The following NIF3L1 variants were observed in gnomAD, a reference collection of about 807,000 sequenced individuals.
NIF3L1 encodes the protein NGG1 interacting factor 3 like 1, also known as NIF3-like protein 1.
NIF3L1 carries 26 observed loss-of-function variants against 35.0 expected under a neutral mutation model. That is an observed-to-expected ratio of 0.74 (90% CI 0.54 to 1.03). The LOEUF is 1.03. NIF3L1 is among the 50% of genes least tolerant of loss of function. The probability of loss-of-function intolerance (pLI) is 0.00; values close to 1 mark genes in which losing one functional copy is unlikely to be tolerated. For missense variants in NIF3L1, 449 were observed against 466.3 expected, an observed-to-expected ratio of 0.96 and a Z score of 0.34; for synonymous variants, 157 against 178.9, an observed-to-expected ratio of 0.88 and a Z score of 0.98.
rs760282968 is a variant in NIF3L1, at chr2:200,893,311, C to T, written c.502C>T (p.Arg168Ter). Residue 168 changes from arginine to a stop codon, truncating the protein, a stop_gained, in exon 3 of 7, where the codon CGA (arginine) becomes TGA (stop). Transcript: ENST00000409020. LOFTEE classifies it high-confidence loss of function. Reference protein sequence around the residue: ...APNYPTEGNHRVEFNVNYTQD... With the variant: ...APNYPTEGNH The stretch of plus-strand genomic sequence containing the variant: ...CAACTACCCTACAGAGGGAAACCAC[C>T]GAGTAGAATTCAACGTTAACTACAC... 18 of 1,610,078 alleles carry T rather than the reference C, an allele frequency of 1.1e-5. No individual in the cohort carries two copies. Among genetic ancestry groups the T allele is most frequent in the Middle Eastern group, 1.6e-4 (1 of 6,070 alleles).
chr2:200,892,245 A>G lies in NIF3L1; in HGVS notation c.302A>G (p.Lys101Arg), dbSNP rs2040211658. 3 of 1,614,068 alleles carry G rather than the reference A, an allele frequency of 1.9e-6. No homozygotes were observed. The highest frequency in any genetic ancestry group is 2.5e-6 in the Non-Finnish European group (3 of 1,180,052). ...SYHPPIFRPMKRITWNTWKER... is the reference protein window; with the variant it reads ...SYHPPIFRPMRRITWNTWKER... ...CATCCGCCTATCTTCCGACCCATGA[A>G]GCGCATAACCTGGAACACATGGAAG... Residue 101 changes from lysine (K) to arginine (R), a missense_variant, in exon 2 of 7, where the codon AAG becomes AGG. Transcript: ENST00000409020.
chr2:200,893,310 C>T lies in NIF3L1; in HGVS notation c.501C>T (p.His167=), dbSNP rs371885073. 3.6e-4 allele frequency: 581 copies of T among 1,610,130 alleles called. No individual in the cohort carries two copies. Among genetic ancestry groups the T allele is most frequent in the Non-Finnish European group, 4.5e-4 (535 of 1,177,894 alleles). ...CCAACTACCCTACAGAGGGAAACCA[C>T]CGAGTAGAATTCAACGTTAACTACA... The part of the protein sequence containing the change: ...KAPNYPTEGN[H]RVEFNVNYTQ... Residue 167 remains histidine, a synonymous_variant, in exon 3 of 7, where the codon CAC becomes CAT. Transcript: ENST00000409020.
chr2:200,900,616 T>C (rs1013867556), intron 6 of NIF3L1, among the ~76,000 whole-genome samples: 2 of 152,178 alleles, frequency 1.3e-5, no homozygotes, highest in African/African-American at 4.8e-5. Context: ...CCTGATGGAA[T>C]TGCTCTAAAC....
intron 5 of NIF3L1, among the ~76,000 whole-genome samples, chr2:200,897,828 G>A (rs1003500928): frequency 2.0e-5 from 3 of 152,212 alleles, no homozygotes; most frequent in Non-Finnish European, 4.4e-5. Flanking sequence ...CCTTCAGTGA[G>A]CCTAGCACTG....
intron 1 of NIF3L1, 40 bp from the exon 2 acceptor site, chr2:200,891,878 A>G (rs2040198182): frequency 7.9e-7 from 1 of 1,265,404 alleles, no homozygotes; most frequent in African/African-American, 1.5e-5. Flanking sequence ...ATCCAGGCCT[A>G]AAGTATACCT....
chr2:200,903,381 T>C (rs2087611211), intron 6 of NIF3L1, 113 bp from the exon 7 acceptor site: 3 of 792,228 alleles, frequency 3.8e-6, no homozygotes, highest in South Asian at 1.6e-5. Flanking sequence ...ACAGTTCTGC[T>C]CTATTACATT....
At chr2:200,898,296 C>A (rs2040351505) in intron 5 of NIF3L1, among the ~76,000 whole-genome samples, 1 of 152,158 alleles carries the variant, frequency 6.6e-6, no homozygotes, top group Non-Finnish European at 1.5e-5. Context: ...AGGAAACTTA[C>A]AATCATGTTG....
chr2:200,895,302 G>A lies in NIF3L1; in HGVS notation c.638G>A (p.Cys213Tyr), dbSNP rs1456427564. 1.2e-6 allele frequency: 2 copies of A among 1,613,714 alleles called. No individual in the cohort carries two copies. The highest frequency in any genetic ancestry group is 1.7e-6 in the Non-Finnish European group (2 of 1,179,652). The change falls in exon 4 of 7, where the codon TGT becomes TAT. Residue 213 changes from cysteine (C) to tyrosine (Y), a missense_variant. Coordinates refer to ENST00000409020, the MANE Select transcript of NIF3L1 (RefSeq NM_001369441.2). ...NEEQTRINLN[C>Y]TQKALMQVVD... ...GAACAAACACGGATTAATCTGAATT[G>A]TACTCAGAAGGCTTTGATGCAGGTG...
intron 3 of NIF3L1, 60 bp from the exon 4 acceptor site, chr2:200,895,200 TGTGG>T: frequency 1.3e-6 from 2 of 1,496,736 alleles, no homozygotes; most frequent in Non-Finnish European, 1.9e-6. Context: ...GTTTGTAAAC[TGTGG>T]ATTATCTAAA....
intron 3 of NIF3L1, among the ~76,000 whole-genome samples, chr2:200,894,613 G>A (rs1259619850): frequency 6.6e-6 from 1 of 151,270 alleles, no homozygotes; most frequent in Non-Finnish European, 1.5e-5. Context: ...TCATCATGTT[G>A]GACAGGCTGG....
chr2:200,903,756 T>C lies in NIF3L1; in HGVS notation c.*78T>C, dbSNP rs1273888532. 5 of 1,155,372 alleles carry C rather than the reference T, an allele frequency of 4.3e-6. No homozygotes were observed. Among genetic ancestry groups the C allele is most frequent in the Non-Finnish European group, 6.6e-6 (5 of 763,068 alleles). 71.6% of individuals were successfully genotyped at this position (1,155,372 alleles called of 1,614,324 possible). On this transcript the variant is annotated 3_prime_UTR_variant, in exon 7 of 7. Transcript: ENST00000409020. ...AATTTGTAACATGAGTCAGTGGGAC[T>C]GGTGTGCTTCCAGAGAGTGTCTTCG...
At position 200,892,335 on chromosome 2, in the gene NIF3L1, A is replaced by T. The variant is rs2040215712; in HGVS notation, c.392A>T (p.Asp131Val). 1 of 1,612,186 alleles carries T rather than the reference A, an allele frequency of 6.2e-7. No individual in the cohort carries two copies. The highest frequency in any genetic ancestry group is 8.5e-7 in the Non-Finnish European group (1 of 1,179,696). The change falls in exon 2 of 7, where the codon GAT (aspartate) becomes GTT (valine). Residue 131 changes from aspartate (D) to valine (V), a missense_variant. By Grantham distance (152) the Asp-to-Val change is radical. Coordinates refer to ENST00000409020, the MANE Select transcript of NIF3L1 (RefSeq NM_001369441.2). The part of the protein sequence containing the change: ...VGIYSPHTAY[D>V]AAPQGVNNWL... ...ATCTACTCTCCTCATACAGCCTATGATGCTGCGCCCCAGGGCGTCAACAAC... is the reference window on the plus strand; with the variant it reads ...ATCTACTCTCCTCATACAGCCTATGTTGCTGCGCCCCAGGGCGTCAACAAC...
intron 3 of NIF3L1, 37 bp downstream of exon 3, chr2:200,893,445 A>C: frequency 6.3e-7 from 1 of 1,591,132 alleles, no homozygotes; most frequent in Non-Finnish European, 8.6e-7. Context: ...GTGTGTATTT[A>C]TTGGTAAGCA....
At chr2:200,892,867 T>G (rs996495500) in intron 2 of NIF3L1, among the ~76,000 whole-genome samples, 2 of 152,240 alleles carry the variant, frequency 1.3e-5, no homozygotes, top group African/African-American at 4.8e-5. Flanking sequence ...TATGATGATA[T>G]CTGGATTAAT....
intron 5 of NIF3L1, among the ~76,000 whole-genome samples, chr2:200,897,568 A>G (rs1282439420): frequency 1.3e-5 from 2 of 152,148 alleles, no homozygotes; most frequent in Non-Finnish European, 2.9e-5. Context: ...CATTTTCCAG[A>G]ATTAGTCATG....
Position 200,903,914 on chromosome 2 carries a change from C to A in NIF3L1, c.*236C>A, listed in dbSNP as rs906249866. ...AACTCTAGGAAAGATTGAATAAAAT[C>A]TGTTTACTTAACATTCTTTGGAAGG... On this transcript the variant is annotated 3_prime_UTR_variant, in exon 7 of 7. Coordinates refer to ENST00000409020, the MANE Select transcript of NIF3L1 (RefSeq NM_001369441.2). 7.7e-6 allele frequency: 4 copies of A among 519,208 alleles called. No individual in the cohort carries two copies. The highest frequency in any genetic ancestry group is 1.4e-5 in the Non-Finnish European group (4 of 286,860). The allele number at this position is 519,208 out of a possible 1,614,324, so 32.2% of individuals were successfully genotyped here. A position where few individuals can be genotyped will look rare whatever the true frequency, so the allele number is the denominator to read the frequency against.
intron 1 of NIF3L1, among the ~76,000 whole-genome samples, chr2:200,890,147 C>T (rs969780194): frequency 1.3e-5 from 2 of 152,118 alleles, no homozygotes; most frequent in East Asian, 1.9e-4. Context: ...CACTTGAGCG[C>T]AGGAGTTTGA....
rs746634569 is a variant in NIF3L1, at chr2:200,899,356, AT to A, written c.866-27del. 4 of 1,542,734 alleles carry A rather than the reference AT, an allele frequency of 2.6e-6. No homozygotes were observed. In the South Asian group the frequency reaches 4.5e-5, roughly 17 times the overall value. On this transcript the variant is annotated intron_variant, in intron 5 of 6. Transcript: ENST00000409020. The stretch of plus-strand genomic sequence containing the variant: ...GTAAAATGAAAGGGAATTGTAAAGT[AT>A]TGGTCTCTTGTTTCCTCTGTTTTGA...
rs1228589387 is a variant in NIF3L1, at chr2:200,895,293, A to G, written c.629A>G (p.Asn210Ser). The change falls in exon 4 of 7, where the codon AAT becomes AGT. Residue 210 changes from asparagine to serine, a missense_variant. Asn to Ser is a conservative substitution (Grantham distance 46). Transcript: ENST00000409020. ...RTGNEEQTRI[N>S]LNCTQKALMQ... The stretch of plus-strand genomic sequence containing the variant: ...GGTAATGAGGAACAAACACGGATTA[A>G]TCTGAATTGTACTCAGAAGGCTTTG... 6.2e-7 allele frequency: 1 copy of G among 1,613,894 alleles called. No homozygotes were observed. The highest frequency in any genetic ancestry group is 1.3e-5 in the African/African-American group (1 of 74,926).
Sources: gnomAD v4.1 joint callset for allele counts (sites outside exome capture counted in the v4.1 genomes callset) on GRCh38, gnomAD v4.1.1 for gene constraint, MANE v1.5 for transcripts, NCBI Gene and HGNC (gene_info 2026-07-23, HGNC 2026-07-21) for gene names.